Variants in FLVCR1 observed in about 807,000 individuals in gnomAD.
FLVCR1 encodes choline/ethanolamine transporter FLVCR1.
Under a neutral mutation model 53.6 loss-of-function variants are expected in FLVCR1, and 34 were observed. The observed-to-expected ratio is 0.63, with a 90% confidence interval of 0.48 to 0.84. The LOEUF (loss-of-function observed/expected upper bound fraction) is 0.84. FLVCR1 is among the 40% of genes least tolerant of loss of function. The pLI, the probability that FLVCR1 is intolerant of heterozygous loss-of-function variation, is 0.00. For missense variants in FLVCR1, 677 were observed against 696.7 expected, an observed-to-expected ratio of 0.97 and a Z score of 0.32; for synonymous variants, 300 against 286.3, an observed-to-expected ratio of 1.05 and a Z score of -0.48.
At position 212,897,197 on chromosome 1, in the gene FLVCR1, AT is replaced by A. The variant is rs1472689689; in HGVS notation, c.*1908del. On this transcript the variant is annotated 3_prime_UTR_variant, in exon 10 of 10. Coordinates refer to ENST00000366971, the MANE Select transcript of FLVCR1 (RefSeq NM_014053.4). ...AATAAATAAATAAATAAATAAATAAATAAATAAATAAATAAAACCTGAGGTT... is the reference window on the plus strand; with the variant it reads ...AATAAATAAATAAATAAATAAATAAAAAATAAATAAATAAAACCTGAGGTT... 4.4e-5 allele frequency: 5 copies of A among 113,974 alleles called. No homozygotes were observed. The highest frequency in any genetic ancestry group is 9.3e-5 in the Non-Finnish European group (5 of 53,806). The allele number at this position is 113,974 out of a possible 1,614,324, so 7.1% of individuals were successfully genotyped here. A position where few individuals can be genotyped will look rare whatever the true frequency, so the allele number is the denominator to read the frequency against.
chr1:212,863,432 TACAAAAA>T (rs1664306655), intron 1 of FLVCR1, among the ~76,000 whole-genome samples: 1 of 151,906 alleles, frequency 6.6e-6, no homozygotes, highest in Non-Finnish European at 1.5e-5. Flanking sequence ...TGTACTAAAA[TACAAAAA>T]TTAGCTGGGC....
intron 2 of FLVCR1, among the ~76,000 whole-genome samples, chr1:212,867,116 C>T (rs376513402): frequency 3.9e-5 from 6 of 152,204 alleles, no homozygotes; most frequent in African/African-American, 1.4e-4. Context: ...GAGATTTTTC[C>T]GCAACGTGAC....
chr1:212,865,237 G>A (rs1263996258), intron 2 of FLVCR1, among the ~76,000 whole-genome samples: 3 of 150,698 alleles, frequency 2.0e-5, no homozygotes, highest in East Asian at 1.9e-4. Context: ...CCATTAACTC[G>A]TCATTTACAT....
chr1:212,871,773 C>T (rs968784293), intron 2 of FLVCR1, among the ~76,000 whole-genome samples: 18 of 152,156 alleles, frequency 1.2e-4, no homozygotes, highest in African/African-American at 4.3e-4. Flanking sequence ...CTTTCCTGCA[C>T]AGCAAAAAGG....
chr1:212,865,875 G>A (rs975282334), intron 2 of FLVCR1, among the ~76,000 whole-genome samples: 1 of 143,406 alleles, frequency 7.0e-6, no homozygotes, highest in East Asian at 2.1e-4. Context: ...GAGGGCAGTG[G>A]CGCTATCTGG....
intron 8 of FLVCR1, among the ~76,000 whole-genome samples, chr1:212,890,264 A>G (rs41301005): frequency 0.013 from 1,939 of 152,332 alleles, 29 homozygotes; most frequent in African/African-American, 0.045. Flanking sequence ...CCTAAACATT[A>G]TAGTATAACA....
chr1:212,869,441 G>A (rs184296981), intron 2 of FLVCR1, among the ~76,000 whole-genome samples: 1 of 152,294 alleles, frequency 6.6e-6, no homozygotes, highest in African/African-American at 2.4e-5. Context: ...GTAAATACAG[G>A]CTTGATTTTT....
At chr1:212,887,858 A>G (rs1295498810) in intron 5 of FLVCR1, 33 bp from the exon 6 acceptor site, 1 of 1,169,744 alleles carries the variant, frequency 8.5e-7, no homozygotes. Context: ...AGAATCAGAC[A>G]AAATACTAAC....
intron 2 of FLVCR1, 23 bp from the exon 3 acceptor site, chr1:212,872,655 A>T: frequency 6.4e-7 from 1 of 1,551,516 alleles, no homozygotes; most frequent in Non-Finnish European, 8.9e-7. Context: ...AATATACATA[A>T]TCCTTTTCGT....
At chr1:212,865,136 CTT>C (rs34715080) in intron 2 of FLVCR1, among the ~76,000 whole-genome samples, 11 of 148,178 alleles carry the variant, frequency 7.4e-5, no homozygotes, top group Non-Finnish European at 7.5e-5. Flanking sequence ...CACCAAAATT[CTT>C]TTTTTTTTTA....
At chr1:212,883,495 A>C in intron 4 of FLVCR1, 57 bp downstream of exon 4, 1 of 932,134 alleles carries the variant, frequency 1.1e-6, no homozygotes, top group Middle Eastern at 2.1e-4. Context: ...CTTTAGCAAT[A>C]TAATTGTCGT....
Position 212,889,198 on chromosome 1 carries a change from G to A in FLVCR1, c.1466G>A (p.Gly489Asp), listed in dbSNP as rs1447864071. The part of the protein sequence containing the change: ...LAQGKLTSDY[G>D]PKAGNIFLCV... ...CAAGGAAAGCTCACATCAGACTATG[G>A]TCCTAAGGCAGGGAACATTTTTCTC... The change falls in exon 8 of 10, where the codon GGT becomes GAT. Residue 489 changes from glycine to aspartate, a missense_variant. Transcript: ENST00000366971. The A allele has an allele frequency of 6.2e-7, 1 of 1,613,848 alleles. No homozygotes were observed. Among genetic ancestry groups the A allele is most frequent in the African/African-American group, 1.3e-5 (1 of 74,994 alleles).
At chr1:212,891,193 G>T (rs1665181783) in intron 8 of FLVCR1, among the ~76,000 whole-genome samples, 1 of 152,102 alleles carries the variant, frequency 6.6e-6, no homozygotes, top group Admixed American at 6.6e-5. Context: ...TGGATCATTT[G>T]ATGTCAGGAG....
rs1665406394 is a variant in FLVCR1, at chr1:212,898,838, C to T, written c.*3548C>T. 1 of 152,188 alleles carries T rather than the reference C, an allele frequency of 6.6e-6. No homozygotes were observed. The highest frequency in any genetic ancestry group is 2.4e-5 in the African/African-American group (1 of 41,426). 9.4% of individuals were successfully genotyped at this position (152,188 alleles called of 1,614,324 possible). On this transcript the variant is annotated 3_prime_UTR_variant, in exon 10 of 10. Coordinates refer to ENST00000366971, the MANE Select transcript of FLVCR1 (RefSeq NM_014053.4). ...AGTCTGTCGCTTCTGGGCTACAGAC[C>T]TGTACAGCATGGTACTGTATTGAAT...
rs1664762718 is a variant in FLVCR1, at chr1:212,876,702, T to TG, written c.1024+3885dup. Among the ~76,000 whole-genome samples the TG allele has an allele frequency of 1.3e-5, 2 of 152,316 alleles. 1 individual carries two copies. The highest frequency in any genetic ancestry group is 3.9e-4 in the East Asian group (2 of 5,180). ...TTTTTGGCTGCATAGTATTCCATGG[T>TG]GTAAACATACCACATTTTCTTTATC... On this transcript the variant is annotated intron_variant, in intron 3 of 9. Transcript: ENST00000366971.
In FLVCR1 at chr1:212,863,714, G is replaced by A; in HGVS notation, c.739-11G>A. 1.2e-6 allele frequency: 2 copies of A among 1,613,582 alleles called. No homozygotes were observed. The highest frequency in any genetic ancestry group is 1.7e-6 in the Non-Finnish European group (2 of 1,179,618). ...TGATAATAGCTGTTAACAGGACTAT[G>A]TGTTTTTCAGCTTGGAACTGCAGTT... On this transcript the variant is annotated splice_polypyrimidine_tract_variant and intron_variant, in intron 1 of 9. Transcript: ENST00000366971.
At chr1:212,891,440 G>T (rs576562982) in intron 8 of FLVCR1, among the ~76,000 whole-genome samples, 1 of 89,082 alleles carries the variant, frequency 1.1e-5, no homozygotes, top group Non-Finnish European at 2.7e-5. Context: ...GTGAGACTCC[G>T]TCTCAAAAAA....
Position 212,858,982 on chromosome 1 carries a change from C to G in FLVCR1, c.530C>G (p.Ala177Gly). Residue 177 changes from alanine to glycine, a missense_variant, in exon 1 of 10, where the codon GCC becomes GGC. Transcript: ENST00000366971. ...LLDTRGLRLT[A>G]LLGSGLNCLG... ...GACACCAGAGGCCTGCGGCTCACCG[C>G]CCTGCTGGGCTCCGGCCTCAACTGC... 6.2e-7 allele frequency: 1 copy of G among 1,613,888 alleles called. No individual in the cohort carries two copies.
chr1:212,881,966 C>G (rs543005534), intron 3 of FLVCR1, among the ~76,000 whole-genome samples: 1 of 152,058 alleles, frequency 6.6e-6, no homozygotes, highest in Non-Finnish European at 1.5e-5. Flanking sequence ...AAATCAAAGC[C>G]AGAGTAAGAT....
Sources: gnomAD v4.1 joint callset for allele counts (sites outside exome capture counted in the v4.1 genomes callset) on GRCh38, gnomAD v4.1.1 for gene constraint, MANE v1.5 for transcripts, NCBI Gene and HGNC (gene_info 2026-07-23, HGNC 2026-07-21) for gene names.